Variants in UBAC2 observed in about 807,000 individuals in gnomAD.
UBAC2 encodes the protein UBA domain containing 2, also known as ubiquitin-associated domain-containing protein 2.
UBAC2 carries 26 observed loss-of-function variants against 44.0 expected under a neutral mutation model. That is an observed-to-expected ratio of 0.59 (90% confidence interval 0.43 to 0.82). The LOEUF is 0.82. UBAC2 is among the 40% of genes least tolerant of loss of function. The pLI is 0.00. For synonymous variants in UBAC2, 155 were observed against 154.3 expected, an observed-to-expected ratio of 1.00 and a Z score of -0.04; for missense variants, 329 against 419.4, an observed-to-expected ratio of 0.78 and a Z score of 1.88.
rs2042802260 is a variant in UBAC2, at chr13:99,201,666, C to T, written c.31+727C>T. ...GGTAGACTGCGTGTTAACAGTTAGG[C>T]ACGGGTACAGCAACGGAGAACAGCT... On this transcript the variant is annotated intron_variant, in intron 1 of 8. Coordinates refer to ENST00000403766, the MANE Select transcript of UBAC2 (RefSeq NM_001144072.2). 3 of 1,061,990 alleles carry T rather than the reference C, an allele frequency of 2.8e-6. No individual in the cohort carries two copies. The African/African-American group carries it at 4.5e-5, about 16-fold the overall frequency. 65.8% of individuals were successfully genotyped at this position (1,061,990 alleles called of 1,614,324 possible).
intron 4 of UBAC2, among the ~76,000 whole-genome samples, chr13:99,244,963 G>C (rs2043365207): frequency 6.6e-6 from 1 of 151,962 alleles, no homozygotes; most frequent in South Asian, 2.1e-4. Context: ...CTCCCAAGTA[G>C]CTGGGACTAC....
intron 7 of UBAC2, among the ~76,000 whole-genome samples, chr13:99,352,802 G>T (rs1434960010): frequency 6.6e-6 from 1 of 152,216 alleles, no homozygotes; most frequent in Non-Finnish European, 1.5e-5. Flanking sequence ...CACTCTTCTG[G>T]GAGAAATGTG....
In UBAC2 at chr13:99,208,070, T is replaced by C. The variant is rs543590495; in HGVS notation, c.31+7131T>C. ...TGGAGTGCAATGGCGTGATCTTGGC[T>C]CACTGCAGCCTCTGCCTCCTGGGTT... is the stretch of plus-strand genomic sequence containing the variant. On this transcript the variant is annotated intron_variant, in intron 1 of 8. Coordinates refer to ENST00000403766, the MANE Select transcript of UBAC2 (RefSeq NM_001144072.2). Among the ~76,000 whole-genome samples, 4 of 148,726 alleles carry C rather than the reference T, an allele frequency of 2.7e-5. No homozygotes were observed. The East Asian group carries it at 6.0e-4, about 22-fold the overall frequency.
intron 4 of UBAC2, among the ~76,000 whole-genome samples, chr13:99,309,841 A>T (rs1594113674): frequency 6.6e-6 from 1 of 151,742 alleles, no homozygotes; most frequent in Non-Finnish European, 1.5e-5. Context: ...CAAACTCCTG[A>T]CCTCAAGCCA....
intron 1 of UBAC2, chr13:99,201,616 A>T (rs2042801417): frequency 1.2e-6 from 2 of 1,603,602 alleles, no homozygotes; most frequent in Non-Finnish European, 1.7e-6. Flanking sequence ...TTTCTCACTG[A>T]GTGTGTGGAA....
chr13:99,315,491 ACT>A (rs1395339504), intron 5 of UBAC2, among the ~76,000 whole-genome samples: 1 of 152,138 alleles, frequency 6.6e-6, no homozygotes, highest in Non-Finnish European at 1.5e-5. Flanking sequence ...GAATGAAAAC[ACT>A]GTTTTATTAA....
intron 1 of UBAC2, chr13:99,201,242 T>C: frequency 7.0e-7 from 1 of 1,435,916 alleles, no homozygotes; most frequent in Non-Finnish European, 9.1e-7. Flanking sequence ...CCTGGTGTTC[T>C]CGTGGGCCGG....
rs772721020 is a variant in UBAC2 at position 99,201,459 on chromosome 13, A to G, written c.31+520A>G. 1.2e-5 allele frequency: 19 copies of G among 1,614,036 alleles called. No homozygotes were observed. In the South Asian group the frequency reaches 2.1e-4, roughly 18 times the overall value. ...AAGAAGAGTTTTTAGACAAACACAC[A>G]CTGATGAGAGTGCTTTCAAGTGGAG... is the stretch of plus-strand genomic sequence containing the variant. On this transcript the variant is annotated intron_variant, in intron 1 of 8. Coordinates refer to ENST00000403766, the MANE Select transcript of UBAC2 (RefSeq NM_001144072.2).
At chr13:99,217,250 A>C (rs1255451775) in intron 1 of UBAC2, among the ~76,000 whole-genome samples, 1 of 152,116 alleles carries the variant, frequency 6.6e-6, no homozygotes, top group East Asian at 1.9e-4. Context: ...CAGTCCCTCC[A>C]TCCATTAGGT....
At chr13:99,360,253 A>G (rs1375262126) in intron 7 of UBAC2, among the ~76,000 whole-genome samples, 1 of 152,226 alleles carries the variant, frequency 6.6e-6, no homozygotes, top group African/African-American at 2.4e-5. Context: ...ACGAGAAACA[A>G]TACTGTATAA....
At position 99,244,630 on chromosome 13, in the gene UBAC2, T is replaced by A. The variant is rs1252749227; in HGVS notation, c.389+6T>A. The A allele has an allele frequency of 6.4e-7, 1 of 1,555,508 alleles. No individual in the cohort carries two copies. The highest frequency in any genetic ancestry group is 8.9e-7 in the Non-Finnish European group (1 of 1,127,774). The stretch of plus-strand genomic sequence containing the variant: ...AGTAATTTGCCTTCTGGATTGTAAG[T>A]AGCACTTAAAGATTGACTTAATTTA... On this transcript the variant is annotated splice_donor_region_variant and intron_variant, in intron 4 of 8. Transcript: ENST00000403766.
chr13:99,295,499 T>C lies in UBAC2; in HGVS notation c.390-18598T>C. On this transcript the variant is annotated intron_variant, in intron 4 of 8. Transcript: ENST00000403766. This position sits in a 1 kb window ranked among gnomAD's most constrained non-coding sequence, Gnocchi z 4.1. The stretch of plus-strand genomic sequence containing the variant: ...GAAGAGTTTGCAGCAGATCTGAGAA[T>C]AGCAGATGAGAATGATTATAAGTGG... 6.2e-7 allele frequency: 1 copy of C among 1,613,934 alleles called. No individual in the cohort carries two copies. The highest frequency in any genetic ancestry group is 8.5e-7 in the Non-Finnish European group (1 of 1,180,000).
chr13:99,351,009 G>A (rs1342733866), intron 7 of UBAC2, among the ~76,000 whole-genome samples: 1 of 152,132 alleles, frequency 6.6e-6, no homozygotes, highest in African/African-American at 2.4e-5. Flanking sequence ...AAACAGTGTT[G>A]TTTTTCTTCA....
chr13:99,368,507 A>G (rs72651008), intron 8 of UBAC2, among the ~76,000 whole-genome samples: 2,603 of 152,356 alleles, frequency 0.017, 32 homozygotes, highest in Non-Finnish European at 0.025. Context: ...TTTAGTTTTC[A>G]TAAAGGTATG....
intron 8 of UBAC2, among the ~76,000 whole-genome samples, chr13:99,373,960 C>A (rs1055119437): frequency 6.6e-6 from 1 of 152,204 alleles, no homozygotes; most frequent in African/African-American, 2.4e-5. Context: ...CATGGTGCAA[C>A]TGCCCAGACA....
At chr13:99,373,549 T>G (rs2892975) in intron 8 of UBAC2, among the ~76,000 whole-genome samples, 1 of 152,024 alleles carries the variant, frequency 6.6e-6, no homozygotes, top group Non-Finnish European at 1.5e-5. Context: ...TGTCCTGCCC[T>G]GAGGAGCTGT....
chr13:99,283,729 TTTTTTTTTTTTTTTTTTTTTTTTG>T (rs2043982889), intron 4 of UBAC2, among the ~76,000 whole-genome samples: 1 of 106,684 alleles, frequency 9.4e-6, no homozygotes, highest in Non-Finnish European at 1.8e-5. Flanking sequence ...TTTTTTTTTT[TTTTTTTTTTTTTTTTTTTTTTTTG>T]AGACTGAGTC....
At chr13:99,297,110 T>C (rs2044187339) in intron 4 of UBAC2, among the ~76,000 whole-genome samples, 1 of 152,220 alleles carries the variant, frequency 6.6e-6, no homozygotes, top group Non-Finnish European at 1.5e-5. Flanking sequence ...TGATGAACTT[T>C]TGGATTCTTT....
chr13:99,327,482 CTCTGTG>C (rs1453986710), intron 6 of UBAC2, among the ~76,000 whole-genome samples: 2 of 150,214 alleles, frequency 1.3e-5, no homozygotes, highest in African/African-American at 2.5e-5. Flanking sequence ...TTCTCTCTCT[CTCTGTG>C]TGTGTGTGTG....
Sources: gnomAD v4.1 joint callset for allele counts (sites outside exome capture counted in the v4.1 genomes callset) on GRCh38, gnomAD v4.1.1 for gene constraint, Gnocchi (gnomAD v3.1) non-coding constraint, MANE v1.5 for transcripts, NCBI Gene and HGNC (gene_info 2026-07-23, HGNC 2026-07-21) for gene names.